Variants in CPQ observed in about 807,000 individuals in gnomAD.
CPQ encodes the protein carboxypeptidase Q, also known as Ser-Met dipeptidase.
In CPQ, 37 loss-of-function variants were observed where a neutral mutation model predicts 45.7. The observed-to-expected ratio is 0.81, with a 90% CI of 0.62 to 1.07. The LOEUF (loss-of-function observed/expected upper bound fraction) is 1.07, where lower values mean the gene tolerates loss of function less well. Ranked by LOEUF, CPQ falls within the 50% of genes least tolerant of loss-of-function variation. The pLI is 0.00. For missense variants in CPQ, 537 were observed against 572.9 expected (o/e 0.94, Z 0.64); for synonymous variants, 186 against 205.8 (o/e 0.90, Z 0.82).
chr8:97,132,368 G>A (rs1248676235), intron 7 of CPQ, among the ~76,000 whole-genome samples: 1 of 152,216 alleles, frequency 6.6e-6, no homozygotes, highest in Non-Finnish European at 1.5e-5. Context: ...CTGCCAAACA[G>A]TCCTGCTAAA....
intron 5 of CPQ, among the ~76,000 whole-genome samples, chr8:96,968,915 A>C (rs1813616639): frequency 6.6e-6 from 1 of 152,218 alleles, no homozygotes; most frequent in Non-Finnish European, 1.5e-5. Flanking sequence ...TTTGCTGTGA[A>C]GCGTCGTTGA....
At chr8:97,023,053 G>GTA (rs1384957203) in intron 5 of CPQ, among the ~76,000 whole-genome samples, 2 of 46,152 alleles carry the variant, frequency 4.3e-5, no homozygotes, top group African/African-American at 1.2e-4. Context: ...TATATATACT[G>GTA]TATATATAGA....
At chr8:96,660,636 G>GGTGTGTGTGT (rs71267273) in intron 1 of CPQ, among the ~76,000 whole-genome samples, 30 of 149,150 alleles carry the variant, frequency 2.0e-4, no homozygotes, top group African/African-American at 4.7e-4. Context: ...GAATACATTT[G>GGTGTGTGTGT]GTGTGTGTGT....
chr8:96,803,846 G>T (rs1370669310), intron 2 of CPQ, among the ~76,000 whole-genome samples: 1 of 152,216 alleles, frequency 6.6e-6, no homozygotes, highest in Non-Finnish European at 1.5e-5. Context: ...AGGGCTGCCT[G>T]TAATCTGTCT....
chr8:97,018,234 A>C (rs1186211827), intron 5 of CPQ, among the ~76,000 whole-genome samples: 1 of 152,178 alleles, frequency 6.6e-6, no homozygotes, highest in African/African-American at 2.4e-5. Context: ...GGAACTGAAC[A>C]CCAGCGTTGA....
At chr8:97,132,314 G>T (rs960038219) in intron 7 of CPQ, among the ~76,000 whole-genome samples, 1 of 152,102 alleles carries the variant, frequency 6.6e-6, no homozygotes, top group African/African-American at 2.4e-5. Flanking sequence ...GACAAAATTG[G>T]GACTCCAGCT....
chr8:96,732,657 A>T (rs1478401715), intron 1 of CPQ, among the ~76,000 whole-genome samples: 1 of 152,054 alleles, frequency 6.6e-6, no homozygotes, highest in African/African-American at 2.4e-5. Flanking sequence ...ATTTGGGATC[A>T]TAGGATCTCT....
At chr8:96,959,695 C>CT (rs1052119182) in intron 4 of CPQ, among the ~76,000 whole-genome samples, 1 of 151,164 alleles carries the variant, frequency 6.6e-6, no homozygotes, top group Non-Finnish European at 1.5e-5. Flanking sequence ...TTTTTTTCTC[C>CT]TTTTTTGGTA....
intron 6 of CPQ, among the ~76,000 whole-genome samples, chr8:97,038,441 G>A (rs17735901): frequency 0.018 from 2,695 of 152,218 alleles, 49 homozygotes; most frequent in Non-Finnish European, 0.028. Context: ...GATATCTAGT[G>A]CATGAACTTC....
intron 7 of CPQ, among the ~76,000 whole-genome samples, chr8:97,091,701 T>C (rs555305446): frequency 6.7e-4 from 102 of 152,166 alleles, no homozygotes; most frequent in Non-Finnish European, 1.3e-3. Flanking sequence ...AACTTATACA[T>C]TGGGAACATT....
chr8:97,085,670 A>AAAG (rs1395568121), intron 7 of CPQ, among the ~76,000 whole-genome samples: 2 of 152,184 alleles, frequency 1.3e-5, no homozygotes, highest in African/African-American at 4.8e-5. Flanking sequence ...TTTTCATTTA[A>AAAG]AAGATAGGTA....
chr8:97,102,961 A>AG (rs1811339905), intron 7 of CPQ, among the ~76,000 whole-genome samples: 4 of 152,296 alleles, frequency 2.6e-5, no homozygotes, highest in Admixed American at 2.6e-4. Context: ...AGAGTGTCTG[A>AG]GGGGAGAATC....
chr8:97,095,124 CTATT>C (rs1490956447), intron 7 of CPQ, among the ~76,000 whole-genome samples: 8 of 152,088 alleles, frequency 5.3e-5, no homozygotes, highest in Non-Finnish European at 1.0e-4. Flanking sequence ...TCCTTGGACT[CTATT>C]TATTCAGGTC....
intron 3 of CPQ, among the ~76,000 whole-genome samples, chr8:96,869,155 C>G (rs1314666967): frequency 6.6e-6 from 1 of 151,778 alleles, no homozygotes; most frequent in Non-Finnish European, 1.5e-5. Context: ...GATTTGGACC[C>G]CAAATCATTC....
At chr8:96,693,290 G>A (rs1011866485) in intron 1 of CPQ, among the ~76,000 whole-genome samples, 2 of 151,782 alleles carry the variant, frequency 1.3e-5, no homozygotes, top group Non-Finnish European at 2.9e-5. Flanking sequence ...GAGTAGGGTA[G>A]AAAGTTCATT....
intron 5 of CPQ, among the ~76,000 whole-genome samples, chr8:96,967,795 G>T (rs979237523): frequency 1.3e-5 from 2 of 152,132 alleles, no homozygotes; most frequent in African/African-American, 4.8e-5. Context: ...AGACTGCCAG[G>T]GTTCAAATCT....
At chr8:96,763,856 G>A (rs1810435638) in intron 1 of CPQ, among the ~76,000 whole-genome samples, 1 of 152,026 alleles carries the variant, frequency 6.6e-6, no homozygotes, top group Non-Finnish European at 1.5e-5. Flanking sequence ...ACACATATTA[G>A]GAATATAAAA....
At chr8:96,990,427 A>G (rs1365851495) in intron 5 of CPQ, among the ~76,000 whole-genome samples, 1 of 152,184 alleles carries the variant, frequency 6.6e-6, no homozygotes, top group Non-Finnish European at 1.5e-5. Context: ...ATCTAAGCCT[A>G]GTGGACTCCC....
chr8:96,896,080 G>T (rs1422944490), intron 4 of CPQ, among the ~76,000 whole-genome samples: 2 of 152,002 alleles, frequency 1.3e-5, no homozygotes, highest in Admixed American at 6.6e-5. Flanking sequence ...GAGGGCACTG[G>T]AATCAAAGCA....
Sources: gnomAD v4.1 joint callset for allele counts (sites outside exome capture counted in the v4.1 genomes callset) on GRCh38, gnomAD v4.1.1 for gene constraint, MANE v1.5 for transcripts, NCBI Gene and HGNC (gene_info 2026-07-23, HGNC 2026-07-21) for gene names.